Variants in ATP23 observed in about 807,000 individuals in gnomAD.
ATP23 encodes ATP23 metallopeptidase and ATP synthase assembly factor homolog.
A neutral mutation model predicts 28.5 loss-of-function variants in ATP23; 24 were observed. The ratio of observed to expected loss-of-function variants is 0.84; its 90% CI spans 0.61 to 1.18. The LOEUF (loss-of-function observed/expected upper bound fraction) is 1.18. ATP23 is among the 50% of genes most tolerant of loss of function. ATP23 has a pLI of 0.00. For synonymous variants in ATP23, 99 were observed against 108.6 expected (o/e 0.91, Z 0.55); for missense variants, 274 against 306.4 (o/e 0.89, Z 0.79).
At chr12:57,949,026 T>A (rs1435357816) in intron 3 of ATP23, among the ~76,000 whole-genome samples, 1 of 152,254 alleles carries the variant, frequency 6.6e-6, no homozygotes, top group Non-Finnish European at 1.5e-5. Flanking sequence ...TTCCCTGTTA[T>A]ATGGTATTTA....
At chr12:57,943,025 C>A (rs753282568) in intron 1 of ATP23, among the ~76,000 whole-genome samples, 2 of 152,182 alleles carry the variant, frequency 1.3e-5, no homozygotes, top group Non-Finnish European at 2.9e-5. Flanking sequence ...AAGTCAACCA[C>A]CGAAAGATTT....
At chr12:57,942,112 G>A (rs1956710923) in intron 1 of ATP23, among the ~76,000 whole-genome samples, 1 of 152,172 alleles carries the variant, frequency 6.6e-6, no homozygotes, top group Non-Finnish European at 1.5e-5. Context: ...GAATGAATTT[G>A]TCTGCCCTTT....
intron 1 of ATP23, 54 bp from the exon 2 acceptor site, chr12:57,945,574 A>G: frequency 7.0e-7 from 1 of 1,426,550 alleles, no homozygotes; most frequent in South Asian, 1.1e-5. Flanking sequence ...CTATTTGGGT[A>G]GTTTAATTGG....
chr12:57,947,527 G>A (rs759914064), intron 3 of ATP23, among the ~76,000 whole-genome samples: 31 of 152,158 alleles, frequency 2.0e-4, no homozygotes, highest in Non-Finnish European at 3.1e-4. Flanking sequence ...GGGAATGAGG[G>A]AAAATAGGAT....
chr12:57,941,789 G>T lies in ATP23; in HGVS notation c.88G>T (p.Glu30Ter). 2 of 1,608,504 alleles carry T rather than the reference G, an allele frequency of 1.2e-6. No homozygotes were observed. Among genetic ancestry groups the T allele is most frequent in the Non-Finnish European group, 1.7e-6 (2 of 1,177,794 alleles). ...ACACGTCTCTTGCCAGGTCTTCCCC[G>T]AGCGTCTGGCCCAGGGGAATCCCCA... ...QQHVSCQVFP[E>*]RLAQGNPQQG... The change falls in exon 1 of 6, where the codon GAG becomes TAG. Residue 30 changes from glutamate (E) to a stop codon, truncating the protein, a stop_gained. Coordinates refer to ENST00000300145, the MANE Select transcript of ATP23 (RefSeq NM_033276.4). LOFTEE classifies it high-confidence loss of function.
At chr12:57,945,512 A>T in intron 1 of ATP23, 116 bp from the exon 2 acceptor site, 1 of 830,726 alleles carries the variant, frequency 1.2e-6, no homozygotes. Context: ...GATTACAGGC[A>T]TGAGCCACTG....
At position 57,958,888 on chromosome 12, in the gene ATP23, A is replaced by G. The variant is rs1215511595; in HGVS notation, c.*1998A>G. On this transcript the variant is annotated 3_prime_UTR_variant, in exon 6 of 6. Coordinates refer to ENST00000300145, the MANE Select transcript of ATP23 (RefSeq NM_033276.4). ...AGCAATGGATTCAAACCAAGAAGAA[A>G]TCCCTGATTTACCTGAAAAAGAATT... is the stretch of plus-strand genomic sequence containing the variant. Among the ~76,000 whole-genome samples, 1 of 152,210 alleles carries G rather than the reference A, an allele frequency of 6.6e-6. No individual in the cohort carries two copies. Among genetic ancestry groups the G allele is most frequent in the Non-Finnish European group, 1.5e-5 (1 of 68,038 alleles).
At chr12:57,956,666 C>G (rs372143516) in intron 5 of ATP23, 21 bp from the exon 6 acceptor site, 39 of 1,553,836 alleles carry the variant, frequency 2.5e-5, no homozygotes, top group Non-Finnish European at 3.0e-5. Context: ...ATTAGAGCCT[C>G]ATACTTTTCC....
In ATP23 at chr12:57,941,667, G is replaced by A; in HGVS notation, c.-35G>A. 1 of 1,595,122 alleles carries A rather than the reference G, an allele frequency of 6.3e-7. No individual in the cohort carries two copies. Among genetic ancestry groups the A allele is most frequent in the Non-Finnish European group, 8.5e-7 (1 of 1,172,018 alleles). ...TCCCAGTCTCGCTCTGGCCGCCTGA[G>A]CCAGGAGGAAGCAGCGGCGAGGTCT... On this transcript the variant is annotated 5_prime_UTR_variant, in exon 1 of 6. Coordinates refer to ENST00000300145, the MANE Select transcript of ATP23 (RefSeq NM_033276.4).
intron 3 of ATP23, among the ~76,000 whole-genome samples, chr12:57,948,128 C>A (rs1257331047): frequency 6.6e-6 from 1 of 152,128 alleles, no homozygotes; most frequent in Non-Finnish European, 1.5e-5. Flanking sequence ...CTGGTAATCA[C>A]AATACCTATA....
intron 5 of ATP23, among the ~76,000 whole-genome samples, chr12:57,954,583 G>T (rs1172908859): frequency 6.6e-6 from 1 of 152,206 alleles, no homozygotes; most frequent in Non-Finnish European, 1.5e-5. Context: ...TGTATTAGGT[G>T]GACGTGGGGA....
Position 57,956,906 on chromosome 12 carries a change from T to C in ATP23, c.*16T>C. On this transcript the variant is annotated 3_prime_UTR_variant, in exon 6 of 6. Transcript: ENST00000300145. Reference sequence around the variant, plus strand: ...AAATATATGAGCACAATGACATTTTTATATTACAGAGCTTCCATCATCATG... The same window carrying C: ...AAATATATGAGCACAATGACATTTTCATATTACAGAGCTTCCATCATCATG... The C allele has an allele frequency of 6.3e-7, 1 of 1,579,108 alleles. No homozygotes were observed. Among genetic ancestry groups the C allele is most frequent in the South Asian group, 1.2e-5 (1 of 84,094 alleles).
chr12:57,951,906 T>C lies in ATP23; in HGVS notation c.453+11T>C. Reference sequence around the variant, plus strand: ...TTGGCGTGCTCAGAGGTGAGTTTTATTGTATTTTTCTCCAGAATACTCTAT... The same window carrying C: ...TTGGCGTGCTCAGAGGTGAGTTTTACTGTATTTTTCTCCAGAATACTCTAT... On this transcript the variant is annotated intron_variant, in intron 4 of 5. Coordinates refer to ENST00000300145, the MANE Select transcript of ATP23 (RefSeq NM_033276.4). The C allele has an allele frequency of 6.2e-7, 1 of 1,614,018 alleles. No individual in the cohort carries two copies. The highest frequency in any genetic ancestry group is 8.5e-7 in the Non-Finnish European group (1 of 1,179,884).
At chr12:57,949,496 GA>G (rs920602936) in intron 3 of ATP23, among the ~76,000 whole-genome samples, 85 of 151,664 alleles carry the variant, frequency 5.6e-4, no homozygotes, top group African/African-American at 1.9e-3. Flanking sequence ...TATTTTTAAG[GA>G]AAAAAAGTTT....
chr12:57,952,386 G>T (rs1332312168), intron 4 of ATP23, among the ~76,000 whole-genome samples: 4 of 152,126 alleles, frequency 2.6e-5, no homozygotes, highest in Non-Finnish European at 5.9e-5. Context: ...AGTGGTAGAG[G>T]CAGGATTACA....
At chr12:57,944,062 T>TG (rs1956736350) in intron 1 of ATP23, among the ~76,000 whole-genome samples, 1 of 151,160 alleles carries the variant, frequency 6.6e-6, no homozygotes, top group Admixed American at 6.6e-5. Flanking sequence ...AACCATGGTT[T>TG]TTTTTTTTTT....
rs1011870860 is a variant in ATP23, at chr12:57,959,048, A to G, written c.*2158A>G. Among the ~76,000 whole-genome samples the G allele has an allele frequency of 4.6e-5, 7 of 152,126 alleles. No homozygotes were observed. Among genetic ancestry groups the G allele is most frequent in the African/African-American group, 1.7e-4 (7 of 41,448 alleles). Reference sequence around the variant, plus strand: ...ATGGAGAGCTTAAAGAAAAAAGAATAAAAAATTCAGGAAACTTTGGACACA... The same window carrying G: ...ATGGAGAGCTTAAAGAAAAAAGAATGAAAAATTCAGGAAACTTTGGACACA... On this transcript the variant is annotated 3_prime_UTR_variant, in exon 6 of 6. Transcript: ENST00000300145.
chr12:57,947,143 C>G, intron 3 of ATP23, 67 bp downstream of exon 3: 1 of 1,436,008 alleles, frequency 7.0e-7, no homozygotes, highest in South Asian at 1.2e-5. Flanking sequence ...TGAGCATCTT[C>G]CACATGCTCG....
intron 3 of ATP23, among the ~76,000 whole-genome samples, chr12:57,950,528 CTTT>C (rs60968742): frequency 7.7e-5 from 11 of 142,392 alleles, no homozygotes; most frequent in African/African-American, 7.7e-5. Flanking sequence ...CTTTCTTTTT[CTTT>C]TTTTTTTTTT....
Sources: gnomAD v4.1 joint callset for allele counts (sites outside exome capture counted in the v4.1 genomes callset) on GRCh38, gnomAD v4.1.1 for gene constraint, MANE v1.5 for transcripts, NCBI Gene and HGNC (gene_info 2026-07-23, HGNC 2026-07-21) for gene names.